ZEB2: variants seen among roughly 807,000 people sequenced by gnomAD.
ZEB2 encodes the protein zinc finger E-box binding homeobox 2.
ZEB2 carries 6 observed loss-of-function variants against 99.9 expected under a neutral mutation model. The ratio of observed to expected loss-of-function variants is 0.06; its 90% CI spans 0.03 to 0.12. The LOEUF (loss-of-function observed/expected upper bound fraction) is 0.12, where lower values mean the gene tolerates loss of function less well. ZEB2 is among the 10% of genes least tolerant of loss of function. The probability of loss-of-function intolerance (pLI) is 1.00; values close to 1 mark genes in which losing one functional copy is unlikely to be tolerated. For synonymous variants in ZEB2, 517 were observed against 542.5 expected (o/e 0.95, Z 0.65); for missense variants, 969 against 1,502.8 (o/e 0.64, Z 5.87).
chr2:144,413,599 C>A (rs1703494529), intron 4 of ZEB2, among the ~76,000 whole-genome samples: 1 of 152,186 alleles, frequency 6.6e-6, no homozygotes, highest in African/African-American at 2.4e-5. Context: ...AAAATAATGA[C>A]TTCCCTGACA....
At chr2:144,404,805 T>G (rs759686113) in intron 5 of ZEB2, 31 bp downstream of exon 5, 1 of 1,609,630 alleles carries the variant, frequency 6.2e-7, no homozygotes, top group African/African-American at 1.3e-5. Flanking sequence ...CAGAGGTCAG[T>G]GCAGTGGCTA....
At chr2:144,419,644 A>G (rs949605856) in intron 4 of ZEB2, among the ~76,000 whole-genome samples, 1 of 152,216 alleles carries the variant, frequency 6.6e-6, no homozygotes, top group African/African-American at 2.4e-5. Flanking sequence ...CTTCTTAGAA[A>G]ATGGTTCATT....
chr2:144,476,870 G>C (rs866539991), intron 2 of ZEB2, among the ~76,000 whole-genome samples: 7 of 152,296 alleles, frequency 4.6e-5, no homozygotes, highest in Non-Finnish European at 5.9e-5. Context: ...GCACTGCCTT[G>C]ACATCATCAA....
At chr2:144,514,327 C>T (rs1705094912) in intron 2 of ZEB2, 1 of 152,442 alleles carries the variant, frequency 6.6e-6, no homozygotes, top group South Asian at 2.1e-4. Context: ...ACACTGTTGA[C>T]TTCATTAAAA....
At chr2:144,414,948 A>G (rs199502195) in intron 4 of ZEB2, among the ~76,000 whole-genome samples, 9 of 148,002 alleles carry the variant, frequency 6.1e-5, no homozygotes, top group East Asian at 2.0e-4. Flanking sequence ...TTCAGAGTGT[A>G]TGTGTGTGTG....
At chr2:144,466,062 C>T (rs1704268451) in intron 2 of ZEB2, among the ~76,000 whole-genome samples, 1 of 152,174 alleles carries the variant, frequency 6.6e-6, no homozygotes, top group South Asian at 2.1e-4. Context: ...ACTACAAACC[C>T]CTCAAAACCC....
intron 2 of ZEB2, among the ~76,000 whole-genome samples, chr2:144,440,501 ATATATATATATATATTTTTTTTTT>A (rs1395190857): frequency 5.2e-5 from 4 of 76,506 alleles, no homozygotes; most frequent in Non-Finnish European, 9.8e-5. Flanking sequence ...ATATATATAT[ATATATATATATATATTTTTTTTTT>A]TTTTTTTTTT....
rs34688250 is a variant in ZEB2 at position 144,510,687 on chromosome 2, C to CCTCTCTCTCTCT, written c.73+6579_73+6590dup. On this transcript the variant is annotated intron_variant, in intron 2 of 9. Coordinates refer to ENST00000627532, the MANE Select transcript of ZEB2 (RefSeq NM_014795.4). ...TATTTTACTCAGCTACTACCCTGTGCCTCTCTCTCTCTCTCTCTCTCTCTC... is the reference window on the plus strand; with the variant it reads ...TATTTTACTCAGCTACTACCCTGTGCCTCTCTCTCTCTCTCTCTCTCTCTCTCTCTCTCTCTC... 5.6e-3 allele frequency among the ~76,000 whole-genome samples: 830 copies of CCTCTCTCTCTCT among 147,932 alleles called. 3 individuals carry two copies. Among genetic ancestry groups the CCTCTCTCTCTCT allele is most frequent in the South Asian group, 6.3e-3 (29 of 4,618 alleles).
intron 2 of ZEB2, among the ~76,000 whole-genome samples, chr2:144,452,350 CAAG>C (rs959965274): frequency 1.3e-5 from 2 of 151,440 alleles, no homozygotes; most frequent in African/African-American, 4.9e-5. Context: ...GACTTAATGC[CAAG>C]AAGAAGAGGG....
At chr2:144,396,699 T>C (rs1703234503) in intron 8 of ZEB2, 107 bp from the exon 9 acceptor site, 1 of 1,228,854 alleles carries the variant, frequency 8.1e-7, no homozygotes, top group African/African-American at 1.5e-5. Flanking sequence ...TTGCTACTAA[T>C]TGATTGAGTT....
In ZEB2 at chr2:144,399,146, C is replaced by T. The variant is rs769486815; in HGVS notation, c.2041G>A (p.Val681Met). 1.1e-5 allele frequency: 18 copies of T among 1,614,094 alleles called. 1 individual carries two copies. Among genetic ancestry groups the T allele is most frequent in the East Asian group, 2.2e-5 (1 of 44,868 alleles). The change falls in exon 8 of 10, where the codon GTG becomes ATG. Residue 681 changes from valine (V) to methionine (M), a missense_variant. Val to Met is a conservative substitution (Grantham distance 21). Transcript: ENST00000627532. This position sits in a 1 kb window ranked among gnomAD's most constrained non-coding sequence, Gnocchi z 5.6. ...SDELLKISIA[V>M]GLPQEFVKEW... ...TTCACAAATTCCTGAGGAAGGCCCA[C>T]AGCAATGGAAATTTTCAGCAGTTCA... is the stretch of plus-strand genomic sequence containing the variant.
chr2:144,509,933 C>T (rs1286193027), intron 2 of ZEB2, among the ~76,000 whole-genome samples: 1 of 152,110 alleles, frequency 6.6e-6, no homozygotes, highest in African/African-American at 2.4e-5. Context: ...AACTTTCTCT[C>T]ACAAGAGAAC....
intron 2 of ZEB2, among the ~76,000 whole-genome samples, chr2:144,434,867 G>A (rs981741797): frequency 6.6e-6 from 1 of 152,168 alleles, no homozygotes; most frequent in African/African-American, 2.4e-5. Flanking sequence ...GAACCAACGT[G>A]TAACCAGCTG....
chr2:144,398,444 T>C lies in ZEB2; in HGVS notation c.2743A>G (p.Thr915Ala). Residue 915 changes from threonine (T) to alanine (A), a missense_variant, in exon 8 of 10, where the codon ACC becomes GCC. By Grantham distance (58) the Thr-to-Ala change is moderately conservative. This residue lies in a region of ZEB2 where 346 missense variants were observed against 460.0 expected (regional missense o/e 0.75). Coordinates refer to ENST00000627532, the MANE Select transcript of ZEB2 (RefSeq NM_014795.4). ...PPATFMPPVQTSIPGLRPYPG... is the reference protein window; with the variant it reads ...PPATFMPPVQASIPGLRPYPG... ...TATGGTCGTAGCCCAGGAATACTGGTCTGGACTGGTGGCATGAAAGTAGCA... is the reference window on the plus strand; with the variant it reads ...TATGGTCGTAGCCCAGGAATACTGGCCTGGACTGGTGGCATGAAAGTAGCA... The C allele has an allele frequency of 2.5e-6, 4 of 1,614,040 alleles. No homozygotes were observed. Among genetic ancestry groups the C allele is most frequent in the Non-Finnish European group, 3.4e-6 (4 of 1,179,980 alleles).
chr2:144,407,702 C>T (rs1033605101), intron 4 of ZEB2, among the ~76,000 whole-genome samples: 3 of 152,140 alleles, frequency 2.0e-5, no homozygotes, highest in African/African-American at 4.8e-5. Flanking sequence ...CACAAAGTAA[C>T]GTAATAGCTC....
At chr2:144,463,405 T>C (rs1018253775) in intron 2 of ZEB2, 2 of 152,180 alleles carry the variant, frequency 1.3e-5, no homozygotes, top group African/African-American at 4.8e-5. Flanking sequence ...AGAGGTTACC[T>C]ATTCTCCGTC....
At chr2:144,465,729 A>C (rs1704262251) in intron 2 of ZEB2, among the ~76,000 whole-genome samples, 1 of 152,184 alleles carries the variant, frequency 6.6e-6, no homozygotes, top group Non-Finnish European at 1.5e-5. Context: ...AGCTTACTAC[A>C]CAACTTGCAT....
intron 2 of ZEB2, among the ~76,000 whole-genome samples, chr2:144,479,911 C>T (rs1472453710): frequency 2.0e-5 from 3 of 152,096 alleles, no homozygotes; most frequent in African/African-American, 4.8e-5. Context: ...GCACAAGCCC[C>T]GGGCCTCCCT....
At chr2:144,476,531 A>G (rs1056805250) in intron 2 of ZEB2, among the ~76,000 whole-genome samples, 8 of 152,206 alleles carry the variant, frequency 5.3e-5, no homozygotes, top group African/African-American at 1.9e-4. Context: ...GATCAGGAAC[A>G]CTGGGCACCT....
Sources: allele counts gnomAD v4.1 joint callset (sites outside exome capture counted in the v4.1 genomes callset), GRCh38; gene constraint gnomAD v4.1.1; regional missense constraint gnomAD v4.1.1; non-coding constraint Gnocchi (gnomAD v3.1); transcripts MANE v1.5; gene names NCBI Gene and HGNC (gene_info 2026-07-23, HGNC 2026-07-21).